CGNL1: variants seen among roughly 807,000 people sequenced by gnomAD.
The protein encoded by CGNL1 is cingulin like 1.
In CGNL1, 132 loss-of-function variants were observed where a neutral mutation model predicts 141.2. That is an observed-to-expected ratio of 0.93 (90% CI 0.81 to 1.08). The LOEUF (loss-of-function observed/expected upper bound fraction) is 1.08, where lower values mean the gene tolerates loss of function less well. Among genes scored for constraint, CGNL1 ranks in the 50% least tolerant of loss-of-function variants. The pLI, the probability that CGNL1 is intolerant of heterozygous loss-of-function variation, is 0.00. For synonymous variants in CGNL1, 690 were observed against 622.1 expected, an observed-to-expected ratio of 1.11 and a Z score of -1.63; for missense variants, 1,870 against 1,588.6, an observed-to-expected ratio of 1.18 and a Z score of -3.01.
rs1595706406 is a variant in CGNL1, at chr15:57,439,478, G to A, written c.1479G>A (p.Lys493=). The A allele has an allele frequency of 6.2e-7, 1 of 1,613,032 alleles. No individual in the cohort carries two copies. The highest frequency in any genetic ancestry group is 1.1e-5 in the South Asian group (1 of 91,086). The part of the protein sequence containing the change: ...RAPSLGAQSK[K]EEEVKTATAT... Reference sequence around the variant, plus strand: ...CCTCCCTTGGTGCACAGAGTAAAAAGGAGGAGGAGGTGAAAACAGCCACCG... The same window carrying A: ...CCTCCCTTGGTGCACAGAGTAAAAAAGAGGAGGAGGTGAAAACAGCCACCG... Residue 493 remains lysine, a synonymous_variant, in exon 2 of 19, where the codon AAG becomes AAA. Coordinates refer to ENST00000281282, the MANE Select transcript of CGNL1 (RefSeq NM_032866.5).
At chr15:57,517,061 G>A (rs2030870902) in intron 9 of CGNL1, 75 bp downstream of exon 9, 14 of 1,394,318 alleles carry the variant, frequency 1.0e-5, no homozygotes, top group East Asian at 2.4e-5. Context: ...TTTCAAAAGT[G>A]GGGAAGGGAT....
At position 57,376,576 on chromosome 15, in the gene CGNL1, G is replaced by A. The variant is rs1489866187; in HGVS notation, c.-16+9G>A. 211 of 153,760 alleles carry A rather than the reference G, an allele frequency of 1.4e-3. No homozygotes were observed. The highest frequency in any genetic ancestry group is 2.4e-3 in the Non-Finnish European group (167 of 68,850). The allele number at this position is 153,760 out of a possible 1,614,324, so 9.5% of individuals were successfully genotyped here. A position where few individuals can be genotyped will look rare whatever the true frequency, so the allele number is the denominator to read the frequency against. On this transcript the variant is annotated intron_variant, in intron 1 of 18. Transcript: ENST00000281282. The stretch of plus-strand genomic sequence containing the variant: ...AGGAGGCGGCGGCGGCGGTGAGTGA[G>A]CTCCGGGCTGGAGCGGGGCGGGGTG...
At chr15:57,404,427 C>A (rs1317546466) in intron 1 of CGNL1, among the ~76,000 whole-genome samples, 6 of 152,226 alleles carry the variant, frequency 3.9e-5, no homozygotes, top group African/African-American at 1.4e-4. Context: ...GAACCTGTCA[C>A]AGATTTTCTG....
chr15:57,413,020 C>T (rs2062807616), intron 1 of CGNL1, among the ~76,000 whole-genome samples: 1 of 151,940 alleles, frequency 6.6e-6, no homozygotes, highest in African/African-American at 2.4e-5. Context: ...GCCACCATGC[C>T]CGACTAATTT....
At chr15:57,427,890 T>C (rs566862139) in intron 1 of CGNL1, among the ~76,000 whole-genome samples, 1 of 152,164 alleles carries the variant, frequency 6.6e-6, no homozygotes, top group Non-Finnish European at 1.5e-5. Flanking sequence ...AGGCTGTGGA[T>C]CTGGTTCTCA....
At chr15:57,497,781 G>A (rs568358327) in intron 8 of CGNL1, among the ~76,000 whole-genome samples, 1 of 152,354 alleles carries the variant, frequency 6.6e-6, no homozygotes, top group East Asian at 1.9e-4. Context: ...AGAGATGCGG[G>A]CTTGCACCCA....
At chr15:57,384,315 T>C (rs2062458930) in intron 1 of CGNL1, among the ~76,000 whole-genome samples, 1 of 152,058 alleles carries the variant, frequency 6.6e-6, no homozygotes, top group African/African-American at 2.4e-5. Flanking sequence ...TAGCAAATGC[T>C]CCCATAGCAT....
chr15:57,489,710 T>G (rs180773145), intron 8 of CGNL1, among the ~76,000 whole-genome samples: 110 of 152,340 alleles, frequency 7.2e-4, no homozygotes, highest in African/African-American at 2.5e-3. Flanking sequence ...CTGTTCCTCT[T>G]AAGTTTTATT....
At chr15:57,394,409 A>G (rs4774259) in intron 1 of CGNL1, among the ~76,000 whole-genome samples, 149,605 of 152,246 alleles carry the variant, frequency 0.98, 73,555 homozygotes, top group Middle Eastern at 1. Context: ...ACAGGCGTGA[A>G]CCACCATGCC....
At chr15:57,414,275 G>C (rs1461363505) in intron 1 of CGNL1, among the ~76,000 whole-genome samples, 1 of 152,196 alleles carries the variant, frequency 6.6e-6, no homozygotes, top group Non-Finnish European at 1.5e-5. Flanking sequence ...GGCAGACGGG[G>C]CTGGCCGTCC....
At chr15:57,426,829 T>A (rs1353102293) in intron 1 of CGNL1, among the ~76,000 whole-genome samples, 1 of 152,038 alleles carries the variant, frequency 6.6e-6, no homozygotes, top group Non-Finnish European at 1.5e-5. Flanking sequence ...TTTGAGTGTA[T>A]GTGTTTGTTT....
chr15:57,425,000 G>A (rs34280235), intron 1 of CGNL1, among the ~76,000 whole-genome samples: 28,346 of 152,040 alleles, frequency 0.19, 2,980 homozygotes, highest in Non-Finnish European at 0.23. Flanking sequence ...AACTATAATC[G>A]TTTTATATTT....
intron 7 of CGNL1, among the ~76,000 whole-genome samples, chr15:57,454,469 T>A (rs2063355997): frequency 6.6e-6 from 1 of 152,228 alleles, no homozygotes; most frequent in African/African-American, 2.4e-5. Flanking sequence ...TGTCTACTGT[T>A]CTGTCACTCC....
At chr15:57,537,521 A>T (rs1319496930) in intron 14 of CGNL1, among the ~76,000 whole-genome samples, 1 of 152,016 alleles carries the variant, frequency 6.6e-6, no homozygotes, top group African/African-American at 2.4e-5. Flanking sequence ...CAGTGTGTAC[A>T]GTTGATTAAT....
chr15:57,545,825 G>A (rs535577008), intron 17 of CGNL1, 125 bp downstream of exon 17: 68 of 815,594 alleles, frequency 8.3e-5, no homozygotes, highest in Admixed American at 1.2e-4. Context: ...CCCTTTCCAC[G>A]CACCCAGTCA....
chr15:57,473,911 T>C (rs1364347448), intron 8 of CGNL1, among the ~76,000 whole-genome samples: 13 of 134,774 alleles, frequency 9.6e-5, no homozygotes, highest in African/African-American at 3.4e-4. Context: ...TTTTTTTTTT[T>C]TTTTTTTTTT....
chr15:57,442,515 G>A (rs760775563), intron 4 of CGNL1, 37 bp downstream of exon 4: 3 of 1,276,024 alleles, frequency 2.4e-6, no homozygotes, highest in African/African-American at 2.9e-5. Context: ...AGTGCATTTA[G>A]CATGGAATGT....
At chr15:57,411,233 C>T (rs1485513827) in intron 1 of CGNL1, among the ~76,000 whole-genome samples, 1 of 152,156 alleles carries the variant, frequency 6.6e-6, no homozygotes, top group East Asian at 1.9e-4. Context: ...AGAATCATCA[C>T]AGCTGTCTAG....
At chr15:57,462,510 A>G (rs1296179043) in intron 8 of CGNL1, among the ~76,000 whole-genome samples, 1 of 152,250 alleles carries the variant, frequency 6.6e-6, no homozygotes, top group Non-Finnish European at 1.5e-5. Context: ...GAAGAAGAGA[A>G]AAACAGTATT....
Sources: gnomAD v4.1 joint callset for allele counts (sites outside exome capture counted in the v4.1 genomes callset) on GRCh38, gnomAD v4.1.1 for gene constraint, MANE v1.5 for transcripts, NCBI Gene and HGNC (gene_info 2026-07-23, HGNC 2026-07-21) for gene names.